The following DGKB variants were observed in gnomAD, a reference collection of about 807,000 sequenced individuals.
The protein encoded by DGKB is diacylglycerol kinase beta, also known as 90 kDa diacylglycerol kinase.
In DGKB, 67 loss-of-function variants were observed where a neutral mutation model predicts 114.3. The ratio of observed to expected loss-of-function variants is 0.59; its 90% CI spans 0.48 to 0.72. The LOEUF is 0.72. Ranked by LOEUF, DGKB falls within the 30% of genes least tolerant of loss-of-function variation. The pLI is 0.00. For synonymous variants in DGKB, 398 were observed against 323.1 expected, an observed-to-expected ratio of 1.23 and a Z score of -2.49; for missense variants, 907 against 975.2, an observed-to-expected ratio of 0.93 and a Z score of 0.93.
intron 1 of DGKB, among the ~76,000 whole-genome samples, chr7:14,967,252 C>A (rs1787207115): frequency 6.6e-6 from 1 of 152,128 alleles, no homozygotes; most frequent in Admixed American, 6.6e-5. Flanking sequence ...CATAAGAATG[C>A]AAACAAACTA....
chr7:14,554,683 TTAC>T (rs1795619897), intron 20 of DGKB, among the ~76,000 whole-genome samples: 1 of 152,174 alleles, frequency 6.6e-6, no homozygotes, highest in South Asian at 2.1e-4. Flanking sequence ...AGCATCATAC[TTAC>T]TGATTTATTG....
chr7:14,488,806 G>A (rs533786986), intron 20 of DGKB, among the ~76,000 whole-genome samples: 36 of 149,994 alleles, frequency 2.4e-4, no homozygotes, highest in Non-Finnish European at 4.3e-4. Flanking sequence ...CCATCCAAAC[G>A]GGGTGACAGA....
intron 1 of DGKB, among the ~76,000 whole-genome samples, chr7:14,919,083 C>CACAA (rs1554345148): frequency 7.7e-6 from 1 of 129,798 alleles, no homozygotes; most frequent in African/African-American, 3.0e-5. Flanking sequence ...CACACACACA[C>CACAA]ACACACACAC....
At chr7:14,609,164 C>A (rs1004570643) in intron 16 of DGKB, among the ~76,000 whole-genome samples, 1 of 151,702 alleles carries the variant, frequency 6.6e-6, no homozygotes, top group South Asian at 2.1e-4. Flanking sequence ...GCTACAGTAA[C>A]AAAAACTGCA....
chr7:14,401,248 C>T (rs542098485), intron 21 of DGKB, among the ~76,000 whole-genome samples: 1 of 151,856 alleles, frequency 6.6e-6, no homozygotes, highest in East Asian at 1.9e-4. Flanking sequence ...TCAGATCAAG[C>T]CAATTTCTTA....
intron 1 of DGKB, among the ~76,000 whole-genome samples, chr7:14,847,328 C>T (rs1273064264): frequency 1.3e-5 from 2 of 148,290 alleles, no homozygotes; most frequent in Admixed American, 6.7e-5. Context: ...GAAGAATATA[C>T]GTATACTGGG....
At chr7:14,971,338 T>G (rs2115306943) in intron 1 of DGKB, among the ~76,000 whole-genome samples, 1 of 152,270 alleles carries the variant, frequency 6.6e-6, no homozygotes, top group African/African-American at 2.4e-5. Flanking sequence ...GGAAAAAATC[T>G]CATTCATATT....
intron 23 of DGKB, among the ~76,000 whole-genome samples, chr7:14,220,722 T>A (rs1562655935): frequency 6.6e-6 from 1 of 151,570 alleles, no homozygotes; most frequent in Non-Finnish European, 1.5e-5. Flanking sequence ...AGCATTGCCA[T>A]GTTAACAATA....
chr7:14,329,796 G>C (rs1187770758), intron 23 of DGKB, among the ~76,000 whole-genome samples: 1 of 151,878 alleles, frequency 6.6e-6, no homozygotes, highest in Admixed American at 6.6e-5. Flanking sequence ...ACTATTAGAA[G>C]GTATACTCTA....
intron 20 of DGKB, among the ~76,000 whole-genome samples, chr7:14,525,390 T>A (rs1260689655): frequency 6.6e-6 from 1 of 152,214 alleles, no homozygotes; most frequent in Non-Finnish European, 1.5e-5. Context: ...ATTCTTAGTT[T>A]GAGTTAGACT....
intron 13 of DGKB, among the ~76,000 whole-genome samples, chr7:14,648,342 C>T (rs1186354214): frequency 6.6e-6 from 1 of 152,166 alleles, no homozygotes; most frequent in African/African-American, 2.4e-5. Context: ...TGACCCCTGA[C>T]CCCCGAGCAG....
intron 21 of DGKB, among the ~76,000 whole-genome samples, chr7:14,362,268 A>G (rs987248850): frequency 5.3e-5 from 8 of 152,082 alleles, no homozygotes; most frequent in Non-Finnish European, 8.8e-5. Flanking sequence ...TCAAGAATTC[A>G]TTGAACAACA....
At chr7:14,953,905 T>C (rs563792030) in intron 1 of DGKB, among the ~76,000 whole-genome samples, 1 of 152,218 alleles carries the variant, frequency 6.6e-6, no homozygotes, top group East Asian at 1.9e-4. Flanking sequence ...CCCCCAGACC[T>C]GCAGCTTTCA....
chr7:14,299,438 G>C (rs1193256018), intron 23 of DGKB, among the ~76,000 whole-genome samples: 1 of 152,042 alleles, frequency 6.6e-6, no homozygotes, highest in East Asian at 1.9e-4. Flanking sequence ...TCAAATGAAT[G>C]GATAGATAAA....
intron 1 of DGKB, among the ~76,000 whole-genome samples, chr7:14,939,897 G>A (rs919891584): frequency 6.6e-6 from 1 of 152,060 alleles, no homozygotes; most frequent in East Asian, 1.9e-4. Flanking sequence ...ACAGGCGTGA[G>A]CCACCACACC....
intron 1 of DGKB, among the ~76,000 whole-genome samples, chr7:14,964,225 G>T (rs1295701092): frequency 2.6e-5 from 4 of 152,108 alleles, no homozygotes; most frequent in African/African-American, 9.7e-5. Context: ...ATTTAAGATT[G>T]CCCAGCCCAG....
intron 5 of DGKB, among the ~76,000 whole-genome samples, chr7:14,731,610 T>C (rs1289751079): frequency 6.6e-6 from 1 of 152,168 alleles, no homozygotes; most frequent in African/African-American, 2.4e-5. Context: ...TTAGGTTATG[T>C]TGAGTGTTCA....
At chr7:14,530,379 T>C (rs1791376759) in intron 20 of DGKB, among the ~76,000 whole-genome samples, 1 of 151,530 alleles carries the variant, frequency 6.6e-6, no homozygotes, top group East Asian at 1.9e-4. Flanking sequence ...CAATAACTCA[T>C]CTCAAATTGC....
intron 1 of DGKB, among the ~76,000 whole-genome samples, chr7:14,896,113 G>A (rs1272913584): frequency 6.6e-6 from 1 of 151,666 alleles, no homozygotes; most frequent in Non-Finnish European, 1.5e-5. Context: ...CCTCACATCA[G>A]AGATCATATT....
Sources: allele counts gnomAD v4.1 joint callset (sites outside exome capture counted in the v4.1 genomes callset), GRCh38; gene constraint gnomAD v4.1.1; transcripts MANE v1.5; gene names NCBI Gene and HGNC (gene_info 2026-07-23, HGNC 2026-07-21).